Variants in HACD1 observed in about 807,000 individuals in gnomAD.
HACD1 encodes the protein 3-hydroxyacyl-CoA dehydratase 1.
In HACD1, 41 loss-of-function variants were observed where a neutral mutation model predicts 32.0. The ratio of observed to expected loss-of-function variants is 1.28; its 90% confidence interval spans 1.00 to 1.66. HACD1 has a LOEUF of 1.66. Among genes scored for constraint, HACD1 ranks in the 40% most tolerant of loss-of-function variants. The probability of loss-of-function intolerance (pLI) is 0.00; values close to 1 mark genes in which losing one functional copy is unlikely to be tolerated. For missense variants in HACD1, 396 were observed against 380.1 expected (o/e 1.04, Z -0.35); for synonymous variants, 142 against 139.0 (o/e 1.02, Z -0.15).
chr10:17,600,630 A>C (rs1834057116), intron 4 of HACD1, among the ~76,000 whole-genome samples: 1 of 151,812 alleles, frequency 6.6e-6, no homozygotes, highest in Non-Finnish European at 1.5e-5. Context: ...CCAGCCCAGC[A>C]CCCTTCTTCT....
intron 1 of HACD1, among the ~76,000 whole-genome samples, chr10:17,607,362 T>G (rs77826147): frequency 0.02 from 2,980 of 152,326 alleles, 48 homozygotes; most frequent in Middle Eastern, 0.071. Flanking sequence ...ACTGGACTGA[T>G]CCTACAGCAC....
chr10:17,611,174 G>A (rs1165518854), intron 1 of HACD1, among the ~76,000 whole-genome samples: 1 of 151,896 alleles, frequency 6.6e-6, no homozygotes. Context: ...CTAATTTTTT[G>A]TATTTTTAGT....
At chr10:17,611,384 T>G (rs1834233801) in intron 1 of HACD1, among the ~76,000 whole-genome samples, 1 of 150,866 alleles carries the variant, frequency 6.6e-6, no homozygotes, top group East Asian at 1.9e-4. Context: ...TTATGCCTAC[T>G]TAAGTCCTTC....
Position 17,590,325 on chromosome 10 carries a change from T to C in HACD1, c.*39A>G. 7.1e-7 allele frequency: 1 copy of C among 1,414,634 alleles called. No homozygotes were observed. The highest frequency in any genetic ancestry group is 9.7e-7 in the Non-Finnish European group (1 of 1,027,478). 87.6% of individuals were successfully genotyped at this position (1,414,634 alleles called of 1,614,324 possible). A position where few individuals can be genotyped will look rare whatever the true frequency, so the allele number is the denominator to read the frequency against. ...ATTAAAACTTGGACTCAGGTAATCT[T>C]GGTTATTCTGGAAAAAGCACCTTGT... On this transcript the variant is annotated 3_prime_UTR_variant, in exon 7 of 7. Coordinates refer to ENST00000361271, the MANE Select transcript of HACD1 (RefSeq NM_014241.4).
chr10:17,603,546 T>G lies in HACD1; in HGVS notation c.483+14A>C, dbSNP rs782072896. On this transcript the variant is annotated intron_variant, in intron 4 of 6. Coordinates refer to ENST00000361271, the MANE Select transcript of HACD1 (RefSeq NM_014241.4). ...CCTGCAGGCTCAAGTAGACAACATG[T>G]TTGTGTCACTTACTGGTTTTATACT... 1 of 1,583,894 alleles carries G rather than the reference T, an allele frequency of 6.3e-7. No individual in the cohort carries two copies. The highest frequency in any genetic ancestry group is 8.7e-7 in the Non-Finnish European group (1 of 1,154,020).
At chr10:17,607,556 G>A (rs1455242873) in intron 1 of HACD1, among the ~76,000 whole-genome samples, 2 of 152,184 alleles carry the variant, frequency 1.3e-5, no homozygotes, top group Non-Finnish European at 2.9e-5. Context: ...CAAAAGATAA[G>A]TTTGAGAGGC....
chr10:17,591,976 A>AATTTTTTT (rs1833933560), intron 6 of HACD1, among the ~76,000 whole-genome samples: 2 of 96,942 alleles, frequency 2.1e-5, no homozygotes, highest in African/African-American at 9.0e-5. Context: ...CCAGCTACTG[A>AATTTTTTT]TTTTTTTTTT....
In HACD1 at chr10:17,592,251, C is replaced by T. The variant is rs367582740; in HGVS notation, c.785-1805G>A. ...CCCACCTTGGCCTCCCAAAGTGCTG[C>T]GATTACAGGTGTGAGCCACCACACC... On this transcript the variant is annotated intron_variant, in intron 6 of 6. Transcript: ENST00000361271. 9.2e-5 allele frequency among the ~76,000 whole-genome samples: 14 copies of T among 151,786 alleles called. No individual in the cohort carries two copies. In the East Asian group the frequency reaches 1.4e-3, roughly 15 times the overall value.
At chr10:17,603,830 T>C (rs932706503) in intron 2 of HACD1, 86 bp from the exon 3 acceptor site, 4 of 1,481,422 alleles carry the variant, frequency 2.7e-6, no homozygotes, top group Non-Finnish European at 3.8e-6. Flanking sequence ...AGCAAATCCA[T>C]AGGTGGTATG....
intron 5 of HACD1, among the ~76,000 whole-genome samples, chr10:17,597,905 T>C (rs1834015099): frequency 6.6e-6 from 1 of 152,112 alleles, no homozygotes; most frequent in African/African-American, 2.4e-5. Context: ...TCTCATCATA[T>C]ACAAAGTGGT....
chr10:17,599,592 C>T (rs1163656946), intron 4 of HACD1, among the ~76,000 whole-genome samples, 181 bp from the exon 5 acceptor site: 1 of 152,176 alleles, frequency 6.6e-6, no homozygotes, highest in African/African-American at 2.4e-5. Context: ...GGAACTTAAA[C>T]GTATCTTATG....
Position 17,617,152 on chromosome 10 carries a change from C to T in HACD1, c.188G>A (p.Gly63Asp), listed in dbSNP as rs1199845536. 4.0e-6 allele frequency: 6 copies of T among 1,506,276 alleles called. No individual in the cohort carries two copies. The highest frequency in any genetic ancestry group is 1.4e-5 in the African/African-American group (1 of 69,296). 93.3% of individuals were successfully genotyped at this position (1,506,276 alleles called of 1,614,324 possible). ...SEAGEDREAPGERRRLGVLAT... is the reference protein window; with the variant it reads ...SEAGEDREAPDERRRLGVLAT... ...CAAGACCCCCAGGCGCCTCCGCTCGCCGGGAGCCTCCCGGTCCTCGCCGGC... is the reference window on the plus strand; with the variant it reads ...CAAGACCCCCAGGCGCCTCCGCTCGTCGGGAGCCTCCCGGTCCTCGCCGGC... Residue 63 changes from glycine (G) to aspartate (D), a missense_variant, in exon 1 of 7, where the codon GGC (glycine) becomes GAC (aspartate). By Grantham distance (94) the Gly-to-Asp change is moderately conservative. Coordinates refer to ENST00000361271, the MANE Select transcript of HACD1 (RefSeq NM_014241.4).
intron 4 of HACD1, among the ~76,000 whole-genome samples, chr10:17,601,539 C>T (rs1212200347): frequency 5.3e-5 from 8 of 152,134 alleles, no homozygotes; most frequent in East Asian, 1.9e-4. Flanking sequence ...TTGGAACTCG[C>T]GACTCTCAAG....
At chr10:17,610,890 T>C (rs112122070) in intron 1 of HACD1, among the ~76,000 whole-genome samples, 112 of 152,258 alleles carry the variant, frequency 7.4e-4, no homozygotes, top group African/African-American at 2.5e-3. Context: ...CCTTTGTGTA[T>C]TGTGTACAGA....
At position 17,598,949 on chromosome 10, in the gene HACD1, C is replaced by CAA. The variant is rs148418097; in HGVS notation, c.605+339_605+340dup. ...CTATTAAAATAATTTACATCACAGA[C>CAA]AAAAAAAAAACATATTTTTGGTACT... On this transcript the variant is annotated intron_variant, in intron 5 of 6. Coordinates refer to ENST00000361271, the MANE Select transcript of HACD1 (RefSeq NM_014241.4). 1,015 of 163,814 alleles carry CAA rather than the reference C, an allele frequency of 6.2e-3. 3 individuals carry two copies. Among genetic ancestry groups the CAA allele is most frequent in the African/African-American group, 0.02 (805 of 40,340 alleles). 10.1% of individuals were successfully genotyped at this position (163,814 alleles called of 1,614,324 possible). A position where few individuals can be genotyped will look rare whatever the true frequency, so the allele number is the denominator to read the frequency against.
intron 6 of HACD1, among the ~76,000 whole-genome samples, chr10:17,592,693 C>T (rs79142327): frequency 0.012 from 1,783 of 152,220 alleles, 30 homozygotes; most frequent in African/African-American, 0.041. Context: ...AGACAGACAC[C>T]GAAGCAAGCT....
chr10:17,592,198 T>C (rs1160004443), intron 6 of HACD1, among the ~76,000 whole-genome samples: 1 of 151,874 alleles, frequency 6.6e-6, no homozygotes, highest in African/African-American at 2.4e-5. Context: ...GTCAGGCTGG[T>C]CTTGAACTCC....
intron 1 of HACD1, among the ~76,000 whole-genome samples, chr10:17,609,485 A>G (rs1834199799): frequency 6.6e-6 from 1 of 152,094 alleles, no homozygotes; most frequent in South Asian, 2.1e-4. Context: ...CAGATACCCA[A>G]GAAGATATAT....
At chr10:17,610,375 G>A (rs140303993) in intron 1 of HACD1, among the ~76,000 whole-genome samples, 17 of 152,274 alleles carry the variant, frequency 1.1e-4, no homozygotes, top group East Asian at 3.9e-4. Flanking sequence ...TAGGCCAGGC[G>A]CAGTGGCTCA....
Sources: allele counts gnomAD v4.1 joint callset (sites outside exome capture counted in the v4.1 genomes callset), GRCh38; gene constraint gnomAD v4.1.1; transcripts MANE v1.5; gene names NCBI Gene and HGNC (gene_info 2026-07-23, HGNC 2026-07-21).